Variants in PCCA observed in about 807,000 individuals in gnomAD.
PCCA encodes propionyl-CoA carboxylase alpha chain, mitochondrial.
A neutral mutation model predicts 101.3 loss-of-function variants in PCCA; 74 were observed. That is an observed-to-expected ratio of 0.73 (90% CI 0.61 to 0.89). PCCA has a LOEUF of 0.89. Among genes scored for constraint, PCCA ranks in the 40% least tolerant of loss-of-function variants. PCCA has a pLI of 0.00. For missense variants in PCCA, 891 were observed against 907.0 expected, an observed-to-expected ratio of 0.98 and a Z score of 0.23; for synonymous variants, 294 against 313.6, an observed-to-expected ratio of 0.94 and a Z score of 0.66.
intron 2 of PCCA, among the ~76,000 whole-genome samples, chr13:100,110,135 AAAACAAACAAAC>A (rs144754073): frequency 6.6e-6 from 1 of 152,120 alleles, no homozygotes; most frequent in Non-Finnish European, 1.5e-5. Flanking sequence ...TCCATCTCAA[AAAACAAACAAAC>A]AAACAAACTG....
Position 100,257,648 on chromosome 13 carries a change from A to G in PCCA, c.691A>G (p.Ile231Val). ...SAGGGGKGMR[I>V]AWDDEETRDG... ...AGGTGGTGGTGGGAAAGGCATGCGCATTGCTTGGGATGATGAAGAGACCAG... is the reference window on the plus strand; with the variant it reads ...AGGTGGTGGTGGGAAAGGCATGCGCGTTGCTTGGGATGATGAAGAGACCAG... The change falls in exon 9 of 24, where the codon ATT (isoleucine) becomes GTT (valine). Residue 231 changes from isoleucine to valine, a missense_variant. Transcript: ENST00000376285. 1.2e-6 allele frequency: 2 copies of G among 1,613,714 alleles called. No homozygotes were observed. Among genetic ancestry groups the G allele is most frequent in the Non-Finnish European group, 1.7e-6 (2 of 1,179,722 alleles).
chr13:100,517,914 G>A (rs2086954030), intron 22 of PCCA, among the ~76,000 whole-genome samples: 1 of 152,108 alleles, frequency 6.6e-6, no homozygotes, highest in Admixed American at 6.5e-5. Flanking sequence ...AAGCTTCCTT[G>A]GACCAGAGGC....
intron 19 of PCCA, among the ~76,000 whole-genome samples, chr13:100,422,135 C>CTTTT (rs1232975466): frequency 8.7e-5 from 6 of 68,778 alleles, no homozygotes; most frequent in Non-Finnish European, 1.2e-4. Flanking sequence ...TTCTTTCTTT[C>CTTTT]TTTTTTTTTT....
intron 4 of PCCA, among the ~76,000 whole-genome samples, chr13:100,132,124 G>A (rs1178926247): frequency 6.6e-6 from 1 of 152,158 alleles, no homozygotes; most frequent in Non-Finnish European, 1.5e-5. Context: ...TGTTCACAAT[G>A]TTCACCTATA....
chr13:100,172,838 G>A (rs1047129846), intron 6 of PCCA, among the ~76,000 whole-genome samples: 1 of 152,092 alleles, frequency 6.6e-6, no homozygotes, highest in African/African-American at 2.4e-5. Context: ...TGCTTTTCAG[G>A]CGAAGAAGCA....
chr13:100,513,109 C>T (rs1375424386), intron 21 of PCCA, among the ~76,000 whole-genome samples: 2 of 152,226 alleles, frequency 1.3e-5, no homozygotes, highest in Non-Finnish European at 2.9e-5. Flanking sequence ...TCCCGGCACG[C>T]GCCCCGTGCA....
chr13:100,368,644 C>T (rs1235159570), intron 19 of PCCA, 70 bp downstream of exon 19: 9 of 934,606 alleles, frequency 9.6e-6, no homozygotes, highest in Non-Finnish European at 1.6e-5. Flanking sequence ...CATTTTTAAC[C>T]TGTTCAGTGA....
In PCCA at chr13:100,395,471, C is replaced by CAAT. The variant is rs1258681711; in HGVS notation, c.1746+26899_1746+26901dup. 2.0e-5 allele frequency among the ~76,000 whole-genome samples: 3 copies of CAAT among 152,064 alleles called. No homozygotes were observed. The East Asian group carries it at 5.8e-4, about 29-fold the overall frequency. On this transcript the variant is annotated intron_variant, in intron 19 of 23. Coordinates refer to ENST00000376285, the MANE Select transcript of PCCA (RefSeq NM_000282.4). ...AAAAATGTATTTGGAGCAATAATAG[C>CAAT]AATAGGTCAGAAAAAGTTTTCACGG...
chr13:100,379,009 G>T (rs1359317444), intron 19 of PCCA, among the ~76,000 whole-genome samples: 3 of 151,996 alleles, frequency 2.0e-5, no homozygotes, highest in Admixed American at 6.6e-5. Flanking sequence ...TGTTTCCTGT[G>T]TCCTTACGTT....
chr13:100,270,108 G>A (rs1171869324), intron 11 of PCCA, among the ~76,000 whole-genome samples: 1 of 152,200 alleles, frequency 6.6e-6, no homozygotes, highest in Non-Finnish European at 1.5e-5. Flanking sequence ...ATAAGATGTG[G>A]CCATCTAGTT....
intron 21 of PCCA, among the ~76,000 whole-genome samples, chr13:100,492,468 G>A (rs147918621): frequency 6.4e-4 from 98 of 152,056 alleles, no homozygotes; most frequent in Middle Eastern, 3.4e-3. Context: ...GAGACAGTGG[G>A]AACTGCAGAA....
chr13:100,197,990 G>A lies in PCCA; in HGVS notation c.469-11342G>A, dbSNP rs912625591. On this transcript the variant is annotated intron_variant, in intron 6 of 23. Coordinates refer to ENST00000376285, the MANE Select transcript of PCCA (RefSeq NM_000282.4). ...TTGGAAACCAAAACTATTTACATTC[G>A]TTAAGAAATCTGTTTGCAGGTGTGT... Among the ~76,000 whole-genome samples, 19 of 152,310 alleles carry A rather than the reference G, an allele frequency of 1.2e-4. 2 individuals are homozygous for A. Among genetic ancestry groups the A allele is most frequent in the Middle Eastern group, 3.4e-3 (1 of 294 alleles).
At chr13:100,128,391 G>C (rs1360616861) in intron 4 of PCCA, among the ~76,000 whole-genome samples, 1 of 152,190 alleles carries the variant, frequency 6.6e-6, no homozygotes, top group Non-Finnish European at 1.5e-5. Context: ...AGAGTGACTG[G>C]AAGTGATAGG....
chr13:100,227,231 C>T (rs1188978607), intron 7 of PCCA, among the ~76,000 whole-genome samples: 4 of 152,128 alleles, frequency 2.6e-5, no homozygotes, highest in Non-Finnish European at 5.9e-5. Flanking sequence ...CCTGCCTCTG[C>T]CTCCCAAAGT....
chr13:100,147,210 C>G (rs1418313355), intron 4 of PCCA, among the ~76,000 whole-genome samples: 1 of 151,730 alleles, frequency 6.6e-6, no homozygotes, highest in Non-Finnish European at 1.5e-5. Flanking sequence ...GGACTAGGAG[C>G]CTTTAAAACG....
chr13:100,233,037 AT>A lies in PCCA; in HGVS notation c.601-2798del, dbSNP rs375004647. On this transcript the variant is annotated intron_variant, in intron 7 of 23. Transcript: ENST00000376285. ...AAGGCTTACTAAATTGTTTTTCAGAATTTTTTTCTTATTAAAACACCACCAA... is the reference window on the plus strand; with the variant it reads ...AAGGCTTACTAAATTGTTTTTCAGAATTTTTTCTTATTAAAACACCACCAA... Among the ~76,000 whole-genome samples the A allele has an allele frequency of 9.6e-4, 146 of 152,140 alleles. 4 individuals are homozygous for A. In the South Asian group the frequency reaches 0.027, roughly 29 times the overall value.
In PCCA at chr13:100,188,071, G is replaced by A. The variant is rs572969468; in HGVS notation, c.469-21261G>A. 1.8e-4 allele frequency among the ~76,000 whole-genome samples: 27 copies of A among 152,256 alleles called. No homozygotes were observed. The East Asian group carries it at 4.8e-3, about 27-fold the overall frequency. On this transcript the variant is annotated intron_variant, in intron 6 of 23. Transcript: ENST00000376285. Reference sequence around the variant, plus strand: ...CCACTTTGGGAGGCCGAGGTGGGCGGATCACGAGGTCAAGAGATCGAGACC... The same window carrying A: ...CCACTTTGGGAGGCCGAGGTGGGCGAATCACGAGGTCAAGAGATCGAGACC...
chr13:100,524,043 C>T (rs1407145590), intron 22 of PCCA, among the ~76,000 whole-genome samples: 1 of 152,244 alleles, frequency 6.6e-6, no homozygotes, highest in Non-Finnish European at 1.5e-5. Flanking sequence ...CCATTGGGCC[C>T]ACTGCCCAGC....
chr13:100,273,251 G>T lies in PCCA; in HGVS notation c.970G>T (p.Ala324Ser), dbSNP rs749617899. The change falls in exon 12 of 24, where the codon GCC (alanine) becomes TCC (serine). Residue 324 changes from alanine (A) to serine (S), a missense_variant. Physicochemically the swap from Ala to Ser is moderately conservative, Grantham distance 99. Transcript: ENST00000376285. ...GATGGGAGAACAAGCTGTAGCTCTT[G>T]CCAGAGCAGTAAAATATTCCTCTGC... ...RAMGEQAVAL[A>S]RAVKYSSAGT... The T allele has an allele frequency of 8.7e-6, 14 of 1,611,642 alleles. No homozygotes were observed. The highest frequency in any genetic ancestry group is 5.3e-5 in the African/African-American group (4 of 74,888).
Sources: allele counts gnomAD v4.1 joint callset (sites outside exome capture counted in the v4.1 genomes callset), GRCh38; gene constraint gnomAD v4.1.1; transcripts MANE v1.5; gene names NCBI Gene and HGNC (gene_info 2026-07-23, HGNC 2026-07-21).